Variants in ZMYM2 observed in about 807,000 individuals in gnomAD.
ZMYM2 encodes the protein zinc finger MYM-type protein 2.
ZMYM2 carries 56 observed loss-of-function variants against 162.8 expected under a neutral mutation model. The observed-to-expected ratio is 0.34, with a 90% CI of 0.28 to 0.43. ZMYM2 has a LOEUF of 0.43. ZMYM2 is among the 20% of genes least tolerant of loss of function. The pLI is 1.00. For missense variants in ZMYM2, 1,275 were observed against 1,621.8 expected (o/e 0.79, Z 3.67); for synonymous variants, 510 against 541.6 (o/e 0.94, Z 0.81).
intron 2 of ZMYM2, among the ~76,000 whole-genome samples, chr13:19,968,860 G>C (rs1394912665): frequency 6.6e-6 from 1 of 152,174 alleles, no homozygotes; most frequent in African/African-American, 2.4e-5. Flanking sequence ...TGTGTTATGT[G>C]TGTTTTTCAT....
chr13:19,894,040 A>G, the ZMYM2 span, among the ~76,000 whole-genome samples: 2 of 151,870 alleles, frequency 1.3e-5, no homozygotes, highest in Non-Finnish European at 2.9e-5. Context: ...GTTTCAGATT[A>G]AAATAAATTG....
chr13:20,053,929 A>G (rs1283964352), intron 14 of ZMYM2, among the ~76,000 whole-genome samples: 1 of 152,242 alleles, frequency 6.6e-6, no homozygotes, highest in Non-Finnish European at 1.5e-5. Context: ...TGCTGAGGGT[A>G]TGAAAGATGA....
At chr13:19,872,654 G>C in the ZMYM2 span, among the ~76,000 whole-genome samples, 1 of 152,140 alleles carries the variant, frequency 6.6e-6, no homozygotes, top group Non-Finnish European at 1.5e-5. Flanking sequence ...TTATGTCTAC[G>C]CTTTCATTCA....
intron 3 of ZMYM2, among the ~76,000 whole-genome samples, chr13:19,998,727 A>G (rs1241597819): frequency 6.6e-6 from 1 of 152,188 alleles, no homozygotes; most frequent in Non-Finnish European, 1.5e-5. Flanking sequence ...GTCAGGTAAG[A>G]TCTGAATAGC....
the ZMYM2 span, among the ~76,000 whole-genome samples, chr13:19,917,433 A>G: frequency 6.6e-6 from 1 of 151,758 alleles, no homozygotes; most frequent in African/African-American, 2.4e-5. Context: ...TACCAAAAAT[A>G]CAAAAAATTA....
In ZMYM2 at chr13:20,087,309, T is replaced by A. The variant is rs1022036127; in HGVS notation, c.*1295T>A. 2.1e-5 allele frequency: 4 copies of A among 188,912 alleles called. No homozygotes were observed. Among genetic ancestry groups the A allele is most frequent in the African/African-American group, 9.3e-5 (4 of 42,908 alleles). 11.7% of individuals were successfully genotyped at this position (188,912 alleles called of 1,614,324 possible). A position where few individuals can be genotyped will look rare whatever the true frequency, so the allele number is the denominator to read the frequency against. ...AACTTTGTGCTTCTGCATAGCAATT[T>A]ATCCATTCAGACCTTTTCTTTTAGA... On this transcript the variant is annotated 3_prime_UTR_variant, in exon 25 of 25. Coordinates refer to ENST00000610343, the MANE Select transcript of ZMYM2 (RefSeq NM_197968.4).
chr13:20,052,148 T>C lies in ZMYM2; in HGVS notation c.2459-129T>C, dbSNP rs1347638672. 6 of 728,678 alleles carry C rather than the reference T, an allele frequency of 8.2e-6. No individual in the cohort carries two copies. The Admixed American group carries it at 1.3e-4, about 16-fold the overall frequency. 45.1% of individuals were successfully genotyped at this position (728,678 alleles called of 1,614,324 possible). Reference sequence around the variant, plus strand: ...TACTTTATACAAATTTGAAATTCTTTCCTTAAAATAGTCTAAAATATTTTC... The same window carrying C: ...TACTTTATACAAATTTGAAATTCTTCCCTTAAAATAGTCTAAAATATTTTC... On this transcript the variant is annotated intron_variant, in intron 13 of 24. Coordinates refer to ENST00000610343, the MANE Select transcript of ZMYM2 (RefSeq NM_197968.4).
intron 9 of ZMYM2, among the ~76,000 whole-genome samples, chr13:20,030,339 C>T (rs1460105776): frequency 6.8e-6 from 1 of 146,404 alleles, no homozygotes; most frequent in Admixed American, 6.8e-5. Flanking sequence ...CAAGTGATTT[C>T]CCCTGCCTCA....
chr13:20,040,973 G>C (rs1245191496), intron 12 of ZMYM2, among the ~76,000 whole-genome samples: 1 of 152,094 alleles, frequency 6.6e-6, no homozygotes, highest in African/African-American at 2.4e-5. Context: ...GAGACTTTTG[G>C]TTATGATTTC....
chr13:19,928,201 G>A, the ZMYM2 span, among the ~76,000 whole-genome samples: 1 of 152,088 alleles, frequency 6.6e-6, no homozygotes, highest in African/African-American at 2.4e-5. Flanking sequence ...GTAGAGGCGA[G>A]GTCCACCATC....
intron 6 of ZMYM2, among the ~76,000 whole-genome samples, chr13:20,015,109 T>G (rs1035857851): frequency 6.6e-6 from 1 of 152,196 alleles, no homozygotes; most frequent in African/African-American, 2.4e-5. Context: ...AAATAAATTT[T>G]TCTCTGATTA....
chr13:19,927,615 A>C, the ZMYM2 span, among the ~76,000 whole-genome samples: 3 of 152,104 alleles, frequency 2.0e-5, no homozygotes, highest in Non-Finnish European at 2.9e-5. Context: ...ATATTCTTGT[A>C]GTCTTTCCTT....
chr13:20,080,920 C>G (rs1957868822), intron 21 of ZMYM2, among the ~76,000 whole-genome samples: 1 of 152,172 alleles, frequency 6.6e-6, no homozygotes, highest in African/African-American at 2.4e-5. Flanking sequence ...AACATGAAAG[C>G]TGCTGTACAG....
the ZMYM2 span, among the ~76,000 whole-genome samples, chr13:19,943,285 A>G: frequency 6.6e-6 from 1 of 152,132 alleles, no homozygotes; most frequent in Non-Finnish European, 1.5e-5. Flanking sequence ...GCTCTTCCTA[A>G]TGACAACATT....
chr13:20,069,394 C>A (rs1187335247), intron 21 of ZMYM2, among the ~76,000 whole-genome samples: 2 of 150,162 alleles, frequency 1.3e-5, no homozygotes, highest in Non-Finnish European at 3.0e-5. Context: ...TGTCTTTGAC[C>A]ATTAAGTACG....
At chr13:20,079,735 G>A (rs1042955007) in intron 21 of ZMYM2, among the ~76,000 whole-genome samples, 2 of 152,198 alleles carry the variant, frequency 1.3e-5, no homozygotes, top group African/African-American at 4.8e-5. Context: ...GGAGGATTAA[G>A]TGTTCGCACT....
intron 21 of ZMYM2, chr13:20,068,027 A>G (rs1956808549): frequency 5.9e-6 from 1 of 169,724 alleles, no homozygotes; most frequent in Non-Finnish European, 1.3e-5. Context: ...TAATGAAGTA[A>G]ATCACTGAAG....
At chr13:19,954,631 T>A (rs1474690029), upstream of ZMYM2, among the ~76,000 whole-genome samples, 1 of 152,122 alleles carries the variant, frequency 6.6e-6, no homozygotes, top group Non-Finnish European at 1.5e-5. Flanking sequence ...ATAAGCAAAT[T>A]ATAAATGTCA....
the ZMYM2 span, among the ~76,000 whole-genome samples, chr13:19,924,075 T>A: frequency 2.0e-5 from 3 of 152,168 alleles, no homozygotes; most frequent in African/African-American, 7.2e-5. Flanking sequence ...CATTTTCAGG[T>A]GTTCCATAAG....
Sources: allele counts gnomAD v4.1 joint callset (sites outside exome capture counted in the v4.1 genomes callset), GRCh38; gene constraint gnomAD v4.1.1; transcripts MANE v1.5; gene names NCBI Gene and HGNC (gene_info 2026-07-23, HGNC 2026-07-21).